PARPBP: variants seen among roughly 807,000 people sequenced by gnomAD.
The protein encoded by PARPBP is PARP1 binding protein, also known as PCNA-interacting partner.
In PARPBP, 52 loss-of-function variants were observed where a neutral mutation model predicts 50.0. The observed-to-expected ratio is 1.04, with a 90% CI of 0.83 to 1.31. PARPBP has a LOEUF of 1.31. Ranked by LOEUF, PARPBP falls within the 50% of genes most tolerant of loss-of-function variation. The probability of loss-of-function intolerance (pLI) is 0.00; values close to 1 mark genes in which losing one functional copy is unlikely to be tolerated. For synonymous variants in PARPBP, 244 were observed against 232.1 expected, an observed-to-expected ratio of 1.05 and a Z score of -0.47; for missense variants, 697 against 672.0, an observed-to-expected ratio of 1.04 and a Z score of -0.41.
chr12:102,148,415 A>G lies in PARPBP; in HGVS notation c.339A>G (p.Lys113=), dbSNP rs1477563335. 6 of 1,556,404 alleles carry G rather than the reference A, an allele frequency of 3.9e-6. No individual in the cohort carries two copies. Among genetic ancestry groups the G allele is most frequent in the Non-Finnish European group, 5.3e-6 (6 of 1,129,612 alleles). Residue 113 remains lysine, a synonymous_variant, in exon 3 of 11, where the codon AAA becomes AAG. Transcript: ENST00000327680. ...NMLDLIDVYQ[K]CRALTSNCEN... is the part of the protein sequence containing the mutation. ...TAGATCTGATTGATGTTTATCAAAAATGTAGGGCTTTGACTTCTAATTGTG... is the reference window on the plus strand; with the variant it reads ...TAGATCTGATTGATGTTTATCAAAAGTGTAGGGCTTTGACTTCTAATTGTG...
chr12:102,160,963 T>C (rs1887518706), intron 4 of PARPBP, among the ~76,000 whole-genome samples: 1 of 151,462 alleles, frequency 6.6e-6, no homozygotes, highest in Non-Finnish European at 1.5e-5. Context: ...AAAAAAAATA[T>C]ATATATAATC....
intron 6 of PARPBP, among the ~76,000 whole-genome samples, chr12:102,168,837 T>G (rs1171633625): frequency 6.6e-6 from 1 of 152,216 alleles, no homozygotes; most frequent in Non-Finnish European, 1.5e-5. Flanking sequence ...TACTAGTACT[T>G]TAGCCACATT....
intron 2 of PARPBP, among the ~76,000 whole-genome samples, chr12:102,129,394 T>C (rs534094073): frequency 5.9e-5 from 9 of 152,264 alleles, no homozygotes; most frequent in African/African-American, 2.2e-4. Flanking sequence ...TTTCTCCCAT[T>C]CCATAGGTTG....
chr12:102,175,672 G>T lies in PARPBP; in HGVS notation c.1005+6G>T. On this transcript the variant is annotated splice_donor_region_variant and intron_variant, in intron 7 of 10. Coordinates refer to ENST00000327680, the MANE Select transcript of PARPBP (RefSeq NM_017915.5). ...CTGACATCAGTCCTGCTCGGGTAAT[G>T]AGCTTTTTATTTTTCATTATCCTTT... 6.4e-7 allele frequency: 1 copy of T among 1,557,318 alleles called. No homozygotes were observed. The highest frequency in any genetic ancestry group is 8.7e-7 in the Non-Finnish European group (1 of 1,147,894).
chr12:102,160,023 G>A (rs1411776129), intron 4 of PARPBP, among the ~76,000 whole-genome samples: 2 of 152,168 alleles, frequency 1.3e-5, no homozygotes, highest in Non-Finnish European at 2.9e-5. Context: ...TGGTGTTTTG[G>A]TAAAGGCTTC....
intron 2 of PARPBP, among the ~76,000 whole-genome samples, chr12:102,132,224 AAG>A (rs1482467659): frequency 1.8e-4 from 27 of 151,198 alleles, no homozygotes; most frequent in African/African-American, 6.4e-4. Flanking sequence ...AAAAAAAAAA[AAG>A]AATCTGTACA....
At chr12:102,164,692 C>T (rs770722260) in intron 5 of PARPBP, 84 bp downstream of exon 5, 1 of 1,134,070 alleles carries the variant, frequency 8.8e-7, no homozygotes, top group South Asian at 1.2e-5. Flanking sequence ...TAGGATGAAA[C>T]AACTTTTAAG....
At chr12:102,167,624 C>T (rs1007230406) in intron 6 of PARPBP, among the ~76,000 whole-genome samples, 2 of 152,108 alleles carry the variant, frequency 1.3e-5, no homozygotes, top group African/African-American at 4.8e-5. Flanking sequence ...TGGGACTTTC[C>T]CAAAAATTTC....
At chr12:102,137,441 A>C (rs1158299931) in intron 2 of PARPBP, among the ~76,000 whole-genome samples, 1 of 152,108 alleles carries the variant, frequency 6.6e-6, no homozygotes, top group African/African-American at 2.4e-5. Context: ...TTAGGTTTTT[A>C]GCATGTTTTT....
At chr12:102,181,975 A>G (rs976511567) in intron 8 of PARPBP, among the ~76,000 whole-genome samples, 6 of 152,082 alleles carry the variant, frequency 3.9e-5, no homozygotes, top group African/African-American at 1.4e-4. Flanking sequence ...CCTGTTCATG[A>G]AGGCAGAGTC....
chr12:102,182,663 CTG>C (rs1351464507), intron 9 of PARPBP, 36 bp downstream of exon 9: 11 of 1,345,240 alleles, frequency 8.2e-6, no homozygotes, highest in Admixed American at 7.0e-5. Context: ...ATAGCAAACA[CTG>C]TTTTATTTTT....
intron 5 of PARPBP, among the ~76,000 whole-genome samples, chr12:102,165,467 AG>A (rs1424935702): frequency 6.6e-6 from 1 of 152,168 alleles, no homozygotes; most frequent in Non-Finnish European, 1.5e-5. Context: ...AATATACTTT[AG>A]CTCTTAATTT....
At chr12:102,137,144 G>A (rs564844431) in intron 2 of PARPBP, among the ~76,000 whole-genome samples, 3 of 152,110 alleles carry the variant, frequency 2.0e-5, no homozygotes, top group Non-Finnish European at 2.9e-5. Flanking sequence ...TAGGAGAGAC[G>A]GGGTTTCACC....
chr12:102,128,313 G>A (rs1294985714), intron 2 of PARPBP, among the ~76,000 whole-genome samples: 3 of 151,980 alleles, frequency 2.0e-5, no homozygotes. Context: ...CTCACTGCAA[G>A]CTCCCCCTCC....
intron 8 of PARPBP, among the ~76,000 whole-genome samples, chr12:102,181,847 T>G (rs11111196): frequency 6.6e-6 from 1 of 152,022 alleles, no homozygotes; most frequent in Non-Finnish European, 1.5e-5. Context: ...ACCAGCAGAT[T>G]TGGTGTCTGA....
chr12:102,195,706 C>A (rs1410239309), intron 10 of PARPBP, among the ~76,000 whole-genome samples: 1 of 151,642 alleles, frequency 6.6e-6, no homozygotes, highest in Non-Finnish European at 1.5e-5. Flanking sequence ...TGCATTCAAA[C>A]AAATATTTCT....
chr12:102,197,083 G>A lies in PARPBP; in HGVS notation c.*792G>A, dbSNP rs146053800. 7 of 1,611,852 alleles carry A rather than the reference G, an allele frequency of 4.3e-6. No homozygotes were observed. The African/African-American group carries it at 5.3e-5, about 12-fold the overall frequency. On this transcript the variant is annotated 3_prime_UTR_variant, in exon 11 of 11. Transcript: ENST00000327680. The stretch of plus-strand genomic sequence containing the variant: ...CTGAACTCCATTCTCAGCTGGGAAA[G>A]CTACAGATCCTTTTAGTGCAAGATA...
chr12:102,170,227 C>T (rs1484232140), intron 6 of PARPBP, among the ~76,000 whole-genome samples: 1 of 152,228 alleles, frequency 6.6e-6, no homozygotes, highest in Non-Finnish European at 1.5e-5. Flanking sequence ...CTGTATTTCA[C>T]ATTTATCACA....
rs201762965 is a variant in PARPBP, at chr12:102,194,911, GTTC to G, written c.1264-395_1264-393del. On this transcript the variant is annotated intron_variant, in intron 9 of 10. Coordinates refer to ENST00000327680, the MANE Select transcript of PARPBP (RefSeq NM_017915.5). Reference sequence around the variant, plus strand: ...TATGCTATTTTTTTTCCAAGAGTGTGTTCTTCTTAGGATGAAGAACTTGTATTT... The same window carrying G: ...TATGCTATTTTTTTTCCAAGAGTGTGTTCTTAGGATGAAGAACTTGTATTT... Among the ~76,000 whole-genome samples the G allele has an allele frequency of 7.6e-3, 1,146 of 150,672 alleles. 15 individuals are homozygous for G. Among genetic ancestry groups the G allele is most frequent in the African/African-American group, 0.026 (1,071 of 41,114 alleles).
Sources: allele counts gnomAD v4.1 joint callset (sites outside exome capture counted in the v4.1 genomes callset), GRCh38; gene constraint gnomAD v4.1.1; transcripts MANE v1.5; gene names NCBI Gene and HGNC (gene_info 2026-07-23, HGNC 2026-07-21).